The following BACH2 variants were observed in gnomAD, a reference collection of about 807,000 sequenced individuals.
BACH2 encodes the protein BACH transcriptional regulator 2, also known as transcription regulator protein BACH2.
In BACH2, 5 loss-of-function variants were observed where a neutral mutation model predicts 61.8. The ratio of observed to expected loss-of-function variants is 0.08; its 90% CI spans 0.04 to 0.17. The LOEUF (loss-of-function observed/expected upper bound fraction) is 0.17, where lower values mean the gene tolerates loss of function less well. Among genes scored for constraint, BACH2 ranks in the 10% least tolerant of loss-of-function variants. BACH2 has a pLI of 1.00. For synonymous variants in BACH2, 446 were observed against 440.1 expected, an observed-to-expected ratio of 1.01 and a Z score of -0.17; for missense variants, 824 against 1,091.1, an observed-to-expected ratio of 0.76 and a Z score of 3.45.
In BACH2 at chr6:90,189,614, C is replaced by CAAA. The variant is rs59022545; in HGVS notation, c.-162+16952_-162+16954dup. On this transcript the variant is annotated intron_variant, in intron 4 of 8. Transcript: ENST00000257749. ...TGGGCGACAGAGCGAGACTCCGTCT[C>CAAA]AAAAAAAAAAAAAAAAAAAAAAAAA... 3.9e-3 allele frequency among the ~76,000 whole-genome samples: 185 copies of CAAA among 47,382 alleles called. 3 individuals are homozygous for CAAA. Among genetic ancestry groups the CAAA allele is most frequent in the African/African-American group, 6.5e-3 (87 of 13,400 alleles). 31.1% of individuals were successfully genotyped at this position (47,382 alleles called of 152,430 possible).
chr6:90,098,983 T>C (rs1047199395), intron 4 of BACH2, among the ~76,000 whole-genome samples: 1 of 152,256 alleles, frequency 6.6e-6, no homozygotes, highest in African/African-American at 2.4e-5. Flanking sequence ...TCTTGGATCC[T>C]GTGGTCCCTT....
chr6:90,281,386 A>G (rs984986642), intron 1 of BACH2, among the ~76,000 whole-genome samples: 1 of 152,234 alleles, frequency 6.6e-6, no homozygotes, highest in Non-Finnish European at 1.5e-5. Flanking sequence ...TATATAAAAA[A>G]CATAGACAGT....
intron 4 of BACH2, among the ~76,000 whole-genome samples, chr6:90,095,662 T>G (rs1485777604): frequency 6.6e-6 from 1 of 152,190 alleles, no homozygotes; most frequent in Admixed American, 6.5e-5. Flanking sequence ...GATAGAAATG[T>G]GTTGAAAGTA....
chr6:90,119,479 C>T lies in BACH2; in HGVS notation c.-161-30370G>A, dbSNP rs190559754. On this transcript the variant is annotated intron_variant, in intron 4 of 8. Transcript: ENST00000257749. The stretch of plus-strand genomic sequence containing the variant: ...AGAGAAATGCTTATCTTCAATCTTC[C>T]ACTTGCTTTGTGGTGTCAGTTTACT... 9.8e-4 allele frequency among the ~76,000 whole-genome samples: 149 copies of T among 152,246 alleles called. 1 individual carries two copies. The highest frequency in any genetic ancestry group is 1.5e-3 in the Non-Finnish European group (99 of 68,018).
intron 5 of BACH2, among the ~76,000 whole-genome samples, chr6:90,020,793 C>G (rs551711157): frequency 1.3e-5 from 2 of 152,144 alleles, no homozygotes; most frequent in African/African-American, 4.8e-5. Context: ...CTCCGCCCCC[C>G]ACTCCTCCAT....
chr6:90,288,278 A>T (rs1405155015), intron 1 of BACH2, among the ~76,000 whole-genome samples: 3 of 151,992 alleles, frequency 2.0e-5, no homozygotes, highest in Non-Finnish European at 4.4e-5. Context: ...TAAGCTCAAC[A>T]TTGTTTGCAT....
intron 4 of BACH2, among the ~76,000 whole-genome samples, chr6:90,128,613 G>A (rs1009424556): frequency 9.2e-5 from 14 of 152,146 alleles, no homozygotes; most frequent in Non-Finnish European, 1.8e-4. Context: ...CACTGTTGGT[G>A]GGACTGTAAA....
At chr6:90,191,913 C>A (rs181282541) in intron 4 of BACH2, among the ~76,000 whole-genome samples, 8 of 152,050 alleles carry the variant, frequency 5.3e-5, no homozygotes, top group Admixed American at 2.0e-4. Context: ...TAAAATGACT[C>A]GAATACTTGC....
intron 4 of BACH2, among the ~76,000 whole-genome samples, chr6:90,112,821 A>G (rs768960281): frequency 2.0e-5 from 3 of 152,184 alleles, no homozygotes; most frequent in Non-Finnish European, 4.4e-5. Flanking sequence ...GCTGGATAGA[A>G]AAGCAAGACC....
At chr6:90,200,036 G>C (rs1768904665) in intron 4 of BACH2, among the ~76,000 whole-genome samples, 1 of 152,114 alleles carries the variant, frequency 6.6e-6, no homozygotes, top group Non-Finnish European at 1.5e-5. Flanking sequence ...GTTTCTATCA[G>C]TGTTTACCAT....
At chr6:89,990,850 T>G (rs760278249) in intron 6 of BACH2, among the ~76,000 whole-genome samples, 3 of 152,130 alleles carry the variant, frequency 2.0e-5, no homozygotes, top group Non-Finnish European at 4.4e-5. Context: ...AAGCTCAGAG[T>G]TTTGCCTGTT....
At chr6:90,198,712 A>T (rs770896741) in intron 4 of BACH2, among the ~76,000 whole-genome samples, 1 of 152,182 alleles carries the variant, frequency 6.6e-6, no homozygotes, top group Non-Finnish European at 1.5e-5. Context: ...GTGCTCCAAC[A>T]CAATCATTCA....
At chr6:90,063,002 T>C (rs924644085) in intron 5 of BACH2, 3 of 872,162 alleles carry the variant, frequency 3.4e-6, no homozygotes, top group Non-Finnish European at 4.1e-6. Flanking sequence ...ACCAGATGTA[T>C]AGGGAAAAGA....
intron 4 of BACH2, among the ~76,000 whole-genome samples, chr6:90,194,661 A>T (rs1461194713): frequency 1.3e-5 from 2 of 152,238 alleles, no homozygotes; most frequent in African/African-American, 4.8e-5. Context: ...GTTAGGGAAC[A>T]GGTAACATCA....
intron 5 of BACH2, among the ~76,000 whole-genome samples, chr6:90,054,525 C>T (rs936501627): frequency 2.0e-5 from 3 of 152,226 alleles, no homozygotes; most frequent in African/African-American, 7.2e-5. Flanking sequence ...CTGCCTGCCT[C>T]TGTAGGCTCC....
chr6:90,053,892 T>C lies in BACH2; in HGVS notation c.-13+35069A>G, dbSNP rs886862858. ...ACAGTTTTACTACGGTATAAAAAGT[T>C]GTGAAGGCCTTTTTATTTGTCTGTT... On this transcript the variant is annotated intron_variant, in intron 5 of 8. Transcript: ENST00000257749. 2.6e-5 allele frequency among the ~76,000 whole-genome samples: 4 copies of C among 152,128 alleles called. No individual in the cohort carries two copies. In the East Asian group the frequency reaches 7.7e-4, roughly 29 times the overall value.
At chr6:90,103,903 A>C (rs557148321) in intron 4 of BACH2, among the ~76,000 whole-genome samples, 1 of 152,206 alleles carries the variant, frequency 6.6e-6, no homozygotes, top group Non-Finnish European at 1.5e-5. Context: ...TTTGTCCTGA[A>C]AACATCCATT....
chr6:90,040,521 AT>A lies in BACH2; in HGVS notation c.-12-31666del, dbSNP rs555439690. Among the ~76,000 whole-genome samples, 880 of 145,238 alleles carry A rather than the reference AT, an allele frequency of 6.1e-3. 7 individuals are homozygous for A. The highest frequency in any genetic ancestry group is 0.015 in the African/African-American group (589 of 39,994). On this transcript the variant is annotated intron_variant, in intron 5 of 8. Transcript: ENST00000257749. Reference sequence around the variant, plus strand: ...CTCTTTTTATTCTTGGCTATTTTTGATTTTTTTTTTTTACATGAACTTCAGC... The same window carrying A: ...CTCTTTTTATTCTTGGCTATTTTTGATTTTTTTTTTTACATGAACTTCAGC...
intron 4 of BACH2, among the ~76,000 whole-genome samples, chr6:90,154,579 GC>G (rs1784930023): frequency 6.6e-6 from 1 of 152,122 alleles, no homozygotes; most frequent in South Asian, 2.1e-4. Flanking sequence ...TTCATAATGA[GC>G]CAGGGTAGCC....
Sources: gnomAD v4.1 joint callset for allele counts (sites outside exome capture counted in the v4.1 genomes callset) on GRCh38, gnomAD v4.1.1 for gene constraint, MANE v1.5 for transcripts, NCBI Gene and HGNC (gene_info 2026-07-23, HGNC 2026-07-21) for gene names.